The following BDNF variants were observed in gnomAD, a reference collection of about 807,000 sequenced individuals.
The protein encoded by BDNF is brain derived neurotrophic factor.
A neutral mutation model predicts 19.5 loss-of-function variants in BDNF; 1 was observed. The ratio of observed to expected loss-of-function variants is 0.05; its 90% CI spans 0.02 to 0.24. BDNF has a LOEUF of 0.24. Among genes scored for constraint, BDNF ranks in the 10% least tolerant of loss-of-function variants. The pLI, the probability that BDNF is intolerant of heterozygous loss-of-function variation, is 1.00. For missense variants in BDNF, 195 were observed against 317.6 expected (o/e 0.61, Z 2.93); for synonymous variants, 100 against 121.6 (o/e 0.82, Z 1.17).
At chr11:27,699,504 G>A (rs1279263714) in intron 1 of BDNF, 1 of 1,613,238 alleles carries the variant, frequency 6.2e-7, no homozygotes, top group Non-Finnish European at 8.5e-7. Flanking sequence ...TTCAGAAGAG[G>A]GGCGCAGGAT....
chr11:27,701,104 CTA>C, upstream of BDNF: 3 of 1,303,522 alleles, frequency 2.3e-6, no homozygotes, highest in Non-Finnish European at 3.0e-6. Context: ...ACTGACCTCT[CTA>C]GAGTTTGCCT....
chr11:27,700,694 G>A (rs1322581307), upstream of BDNF: 5 of 1,154,904 alleles, frequency 4.3e-6, no homozygotes, highest in South Asian at 9.2e-5. Context: ...CTAGGGCCCC[G>A]CGACATCGCC....
chr11:27,704,107 A>T (rs1172546403), upstream of BDNF, among the ~76,000 whole-genome samples: 1 of 152,214 alleles, frequency 6.6e-6, no homozygotes, highest in Non-Finnish European at 1.5e-5. Context: ...CTTCTTAAAA[A>T]TTGGCCTCTG....
At chr11:27,683,980 A>C (rs1422377002) in intron 1 of BDNF, among the ~76,000 whole-genome samples, 2 of 152,216 alleles carry the variant, frequency 1.3e-5, no homozygotes, top group Non-Finnish European at 1.5e-5. Flanking sequence ...CATTGGATCT[A>C]TAAATTACTT....
chr11:27,662,320 G>A (rs1156674837), intron 1 of BDNF, among the ~76,000 whole-genome samples: 1 of 152,158 alleles, frequency 6.6e-6, no homozygotes, highest in African/African-American at 2.4e-5. Context: ...CCCCCATAAT[G>A]CTTAACAGAG....
rs1852433689 is a variant in BDNF at position 27,655,442 on chromosome 11, GTTGT to G, written c.*2375_*2378del. On this transcript the variant is annotated 3_prime_UTR_variant, in exon 2 of 2. Transcript: ENST00000356660. Reference sequence around the variant, plus strand: ...CAATCCTTTAAGTTTGTGATGGGGGGTTGTTTGTTTTAAATTTGTCCCTCAAAAG... The same window carrying G: ...CAATCCTTTAAGTTTGTGATGGGGGGTTGTTTTAAATTTGTCCCTCAAAAG... 1 of 152,256 alleles carries G rather than the reference GTTGT, an allele frequency of 6.6e-6. No individual in the cohort carries two copies. Among genetic ancestry groups the G allele is most frequent in the Non-Finnish European group, 1.5e-5 (1 of 68,034 alleles). The allele number at this position is 152,256 out of a possible 1,614,324, so 9.4% of individuals were successfully genotyped here.
At chr11:27,705,822 T>C (rs1860086310) in intron 1 of BDNF, among the ~76,000 whole-genome samples, 1 of 152,230 alleles carries the variant, frequency 6.6e-6, no homozygotes, top group Non-Finnish European at 1.5e-5. Context: ...ATTCAGTTGA[T>C]GAAAGATTGC....
intron 1 of BDNF, among the ~76,000 whole-genome samples, chr11:27,671,986 C>T (rs756578700): frequency 1.6e-4 from 25 of 152,162 alleles, no homozygotes; most frequent in Non-Finnish European, 2.9e-4. Flanking sequence ...CTTAGCGTGT[C>T]ATACGGTTAC....
intron 1 of BDNF, among the ~76,000 whole-genome samples, chr11:27,670,413 T>A (rs1052110307): frequency 1.3e-5 from 2 of 151,978 alleles, no homozygotes; most frequent in African/African-American, 2.4e-5. Context: ...ACAAATGGGA[T>A]CTAATTAAAC....
At position 27,692,559 on chromosome 11, in the gene BDNF, TA is replaced by T. The variant is rs534589953; in HGVS notation, c.-22+7604del. ...GGTCTTGCTATGTTGTCCAGACTCG[TA>T]ATGATCTCCTGGGCTCAAGTGATCC... On this transcript the variant is annotated intron_variant, in intron 1 of 1. Transcript: ENST00000356660. Among the ~76,000 whole-genome samples the T allele has an allele frequency of 7.0e-3, 1,071 of 152,210 alleles. 15 individuals are homozygous for T. The highest frequency in any genetic ancestry group is 7.7e-3 in the Non-Finnish European group (525 of 68,004).
chr11:27,655,114 TAGAG>T lies in BDNF; in HGVS notation c.*2703_*2706del, dbSNP rs1564933188. 2.0e-5 allele frequency: 3 copies of T among 152,244 alleles called. No individual in the cohort carries two copies. The allele number at this position is 152,244 out of a possible 1,614,324, so 9.4% of individuals were successfully genotyped here. On this transcript the variant is annotated 3_prime_UTR_variant, in exon 2 of 2. Transcript: ENST00000356660. ...TACATGGTGAATAATATCTTTACCA[TAGAG>T]AGAACAAGGCCACAGACATTTACTT... is the stretch of plus-strand genomic sequence containing the variant.
At chr11:27,719,807 A>C in intron 1 of BDNF, 1 of 246,912 alleles carries the variant, frequency 4.1e-6, no homozygotes, top group Non-Finnish European at 6.5e-6. Context: ...TACAGAGAGA[A>C]TGAATCCTTC....
intron 1 of BDNF, among the ~76,000 whole-genome samples, chr11:27,693,130 C>T (rs942311203): frequency 6.6e-6 from 1 of 152,182 alleles, no homozygotes; most frequent in African/African-American, 2.4e-5. Context: ...GTACCTAAAA[C>T]AACTTATTTC....
intron 1 of BDNF, among the ~76,000 whole-genome samples, chr11:27,676,545 C>T (rs997531270): frequency 4.6e-5 from 7 of 152,008 alleles, no homozygotes; most frequent in South Asian, 2.1e-4. Flanking sequence ...TTATCTAGGC[C>T]GTAAATCATG....
At chr11:27,721,313 T>C in intron 1 of BDNF, 1 of 1,382,942 alleles carries the variant, frequency 7.2e-7, no homozygotes, top group Non-Finnish European at 1.0e-6. Context: ...TAGCTGCTGT[T>C]CTTTGGCGTG....
intron 1 of BDNF, among the ~76,000 whole-genome samples, chr11:27,686,487 T>G (rs944639114): frequency 1.3e-5 from 2 of 152,240 alleles, no homozygotes; most frequent in African/African-American, 4.8e-5. Context: ...AGTTTCTTCA[T>G]AGTTTCAATG....
At chr11:27,713,114 G>A (rs1590496308) in intron 1 of BDNF, among the ~76,000 whole-genome samples, 1 of 151,810 alleles carries the variant, frequency 6.6e-6, no homozygotes, top group Non-Finnish European at 1.5e-5. Flanking sequence ...GGCCAGGCTG[G>A]TCTGGAACTC....
chr11:27,720,288 A>C, intron 1 of BDNF: 1 of 976,764 alleles, frequency 1.0e-6, no homozygotes, highest in Non-Finnish European at 1.2e-6. Context: ...TCTCCGGAAG[A>C]CAGTATCAAA....
chr11:27,673,197 G>A (rs988041164), intron 1 of BDNF, among the ~76,000 whole-genome samples: 3 of 151,144 alleles, frequency 2.0e-5, no homozygotes, highest in Non-Finnish European at 4.4e-5. Context: ...TGAAAGCCAG[G>A]TGGGGCTTTG....
Sources: allele counts gnomAD v4.1 joint callset (sites outside exome capture counted in the v4.1 genomes callset), GRCh38; gene constraint gnomAD v4.1.1; transcripts MANE v1.5; gene names NCBI Gene and HGNC (gene_info 2026-07-23, HGNC 2026-07-21).